SLC24A1: variants seen among roughly 807,000 people sequenced by gnomAD.
SLC24A1 encodes the protein solute carrier family 24 member 1, also known as sodium/potassium/calcium exchanger 1.
A neutral mutation model predicts 88.1 loss-of-function variants in SLC24A1; 52 were observed. That is an observed-to-expected ratio of 0.59 (90% CI 0.47 to 0.74). The LOEUF (loss-of-function observed/expected upper bound fraction) is 0.74, where lower values mean the gene tolerates loss of function less well. Ranked by LOEUF, SLC24A1 falls within the 30% of genes least tolerant of loss-of-function variation. The probability of loss-of-function intolerance (pLI) is 0.00; values close to 1 mark genes in which losing one functional copy is unlikely to be tolerated. For missense variants in SLC24A1, 1,173 were observed against 1,363.3 expected (o/e 0.86, Z 2.20); for synonymous variants, 455 against 498.0 (o/e 0.91, Z 1.15).
chr15:65,626,042 G>A, intron 2 of SLC24A1, 72 bp downstream of exon 2: 1 of 1,110,520 alleles, frequency 9.0e-7, no homozygotes, highest in South Asian at 1.2e-5. Flanking sequence ...AGGACCTGAA[G>A]AGAAGGTGCT....
At chr15:65,612,150 C>G (rs1450865777) in intron 1 of SLC24A1, 1 of 152,296 alleles carries the variant, frequency 6.6e-6, no homozygotes. Context: ...CAGTGAGGTC[C>G]TTAAGAGGGC....
chr15:65,660,412 C>G, downstream of SLC24A1: 11 of 963,572 alleles, frequency 1.1e-5, no homozygotes, highest in East Asian at 2.6e-5. Flanking sequence ...GTCGTGGACT[C>G]TACTGGCTTT....
intron 2 of SLC24A1, among the ~76,000 whole-genome samples, chr15:65,615,165 A>T (rs2074096377): frequency 6.6e-6 from 1 of 152,200 alleles, no homozygotes; most frequent in African/African-American, 2.4e-5. Flanking sequence ...GTGAGCTGTG[A>T]TTGTGTCACT....
upstream of SLC24A1, among the ~76,000 whole-genome samples, chr15:65,617,355 C>T (rs1256817188): frequency 2.0e-5 from 3 of 152,138 alleles, no homozygotes; most frequent in East Asian, 1.9e-4. Context: ...TCTTCCTATC[C>T]GTGAGCATGG....
At chr15:65,628,648 A>T (rs1231714689) in intron 2 of SLC24A1, among the ~76,000 whole-genome samples, 1 of 152,242 alleles carries the variant, frequency 6.6e-6, no homozygotes, top group East Asian at 1.9e-4. Flanking sequence ...AAAGTTACAC[A>T]GCTACTTGGT....
chr15:65,639,576 C>T lies in SLC24A1; in HGVS notation c.1945-19C>T, dbSNP rs776389941. 36 of 1,431,584 alleles carry T rather than the reference C, an allele frequency of 2.5e-5. No individual in the cohort carries two copies. Among genetic ancestry groups the T allele is most frequent in the African/African-American group, 5.4e-5 (3 of 55,594 alleles). The allele number at this position is 1,431,584 out of a possible 1,614,324, so 88.7% of individuals were successfully genotyped here. The stretch of plus-strand genomic sequence containing the variant: ...CTGGCTTGGACAGGGGCCCACTGTG[C>T]GGCTCTCCTCTTGCTCAGCTCCCGT... On this transcript the variant is annotated intron_variant, in intron 3 of 9. Transcript: ENST00000261892.
At chr15:65,628,153 C>T (rs182375570) in intron 2 of SLC24A1, among the ~76,000 whole-genome samples, 1 of 152,112 alleles carries the variant, frequency 6.6e-6, no homozygotes, top group African/African-American at 2.4e-5. Flanking sequence ...AGATGGGGAC[C>T]TCACCATGTT....
In SLC24A1 at chr15:65,650,729, AGAGGAGGAAGAG is replaced by A. The variant is rs952511215; in HGVS notation, c.2593_2604del (p.Glu865_Glu868del). The A allele has an allele frequency of 3.8e-6, 6 of 1,579,574 alleles. No individual in the cohort carries two copies. Among genetic ancestry groups the A allele is most frequent in the African/African-American group, 2.7e-5 (2 of 73,950 alleles). ...GGGGAAGTGATGGAGGGGATAGCGAAGAGGAGGAAGAGGAGGAGGAAGAGCAGGAGGAAGAGG... is the reference window on the plus strand; with the variant it reads ...GGGGAAGTGATGGAGGGGATAGCGAAGAGGAGGAAGAGCAGGAGGAAGAGG... On this transcript the variant is annotated inframe_deletion, in exon 7 of 10. Transcript: ENST00000261892. This position sits in a 1 kb window ranked among gnomAD's most constrained non-coding sequence, Gnocchi z 4.1.
intron 1 of SLC24A1, among the ~76,000 whole-genome samples, chr15:65,623,407 TCTATAAC>T (rs2074387835): frequency 6.6e-6 from 1 of 152,172 alleles, no homozygotes; most frequent in Non-Finnish European, 1.5e-5. Flanking sequence ...TCTGGGAAGC[TCTATAAC>T]ATTAACTTTT....
intron 6 of SLC24A1, among the ~76,000 whole-genome samples, chr15:65,647,677 C>T (rs1003947929): frequency 2.0e-5 from 3 of 152,006 alleles, no homozygotes; most frequent in Admixed American, 6.6e-5. Context: ...AACAGACAGA[C>T]GCTCCCATAT....
At chr15:65,631,894 C>T (rs372153782) in intron 2 of SLC24A1, among the ~76,000 whole-genome samples, 1 of 152,044 alleles carries the variant, frequency 6.6e-6, no homozygotes, top group Non-Finnish European at 1.5e-5. Context: ...TGCAGTGGCG[C>T]GATCTCAGCT....
At chr15:65,646,074 C>T (rs1372745698) in intron 6 of SLC24A1, among the ~76,000 whole-genome samples, 1 of 152,170 alleles carries the variant, frequency 6.6e-6, no homozygotes, top group Non-Finnish European at 1.5e-5. Context: ...GGCTTTCCAA[C>T]CTTCTGAGGC....
At chr15:65,613,490 G>GTT (rs955378074) in intron 2 of SLC24A1, among the ~76,000 whole-genome samples, 6 of 151,912 alleles carry the variant, frequency 3.9e-5, no homozygotes, top group African/African-American at 1.2e-4. Flanking sequence ...TTGTGTGTGT[G>GTT]TGTGTGTGTG....
downstream of SLC24A1, chr15:65,659,346 T>G (rs2075784905): frequency 7.1e-6 from 1 of 140,158 alleles, no homozygotes; most frequent in African/African-American, 2.6e-5. Context: ...TTTTTTTTTT[T>G]TTTTTGAGAC....
downstream of SLC24A1, among the ~76,000 whole-genome samples, chr15:65,658,706 C>T (rs1161999583): frequency 2.0e-5 from 3 of 152,116 alleles, no homozygotes; most frequent in Admixed American, 1.3e-4. Context: ...GATTTTGGAG[C>T]ACTTGATTCC....
In SLC24A1 at chr15:65,650,714, T is replaced by C. The variant is rs375260297; in HGVS notation, c.2565T>C (p.Asp855=). 251 of 1,558,766 alleles carry C rather than the reference T, an allele frequency of 1.6e-4. 1 individual carries two copies. The Middle Eastern group carries it at 1.7e-3, about 10-fold the overall frequency. ...EKGVEDGGGS[D]GGDSEEEEEE... is the part of the protein sequence containing the mutation. ...GTGTAGAAGATGGAGGGGGAAGTGATGGAGGGGATAGCGAAGAGGAGGAAG... is the reference window on the plus strand; with the variant it reads ...GTGTAGAAGATGGAGGGGGAAGTGACGGAGGGGATAGCGAAGAGGAGGAAG... The change falls in exon 7 of 10, where the codon GAT becomes GAC. Residue 855 remains aspartate, a synonymous_variant. Coordinates refer to ENST00000261892, the MANE Select transcript of SLC24A1 (RefSeq NM_004727.3). The surrounding 1 kb of genome is among the most constrained non-coding windows in gnomAD (Gnocchi z 4.1).
At position 65,625,823 on chromosome 15, in the gene SLC24A1, T is replaced by TGCCTGGTGG; in HGVS notation, c.1745_1753dup (p.Ala582_Trp584dup). On this transcript the variant is annotated inframe_insertion, in exon 2 of 10. Coordinates refer to ENST00000261892, the MANE Select transcript of SLC24A1 (RefSeq NM_004727.3). ...TCCTCTTCTTCCTGGACAGCCTCAT[T>TGCCTGGTGG]GCCTGGTGGGAGAGCCTGCTGCTGC... is the stretch of plus-strand genomic sequence containing the variant. 5.0e-6 allele frequency: 8 copies of TGCCTGGTGG among 1,614,054 alleles called. No individual in the cohort carries two copies. Among genetic ancestry groups the TGCCTGGTGG allele is most frequent in the Non-Finnish European group, 6.8e-6 (8 of 1,179,878 alleles).
chr15:65,648,649 G>A (rs1365930650), intron 6 of SLC24A1, among the ~76,000 whole-genome samples: 4 of 151,734 alleles, frequency 2.6e-5, no homozygotes, highest in African/African-American at 4.8e-5. Flanking sequence ...GCACCACCAC[G>A]CCTGGCTAAT....
At chr15:65,614,548 G>A (rs1347295245) in intron 2 of SLC24A1, among the ~76,000 whole-genome samples, 1 of 152,176 alleles carries the variant, frequency 6.6e-6, no homozygotes, top group African/African-American at 2.4e-5. Flanking sequence ...CCTTCGAAAT[G>A]TATTTGGAAA....
Sources: allele counts gnomAD v4.1 joint callset (sites outside exome capture counted in the v4.1 genomes callset), GRCh38; gene constraint gnomAD v4.1.1; non-coding constraint Gnocchi (gnomAD v3.1); transcripts MANE v1.5; gene names NCBI Gene and HGNC (gene_info 2026-07-23, HGNC 2026-07-21).